DOCK2: variants seen among roughly 807,000 people sequenced by gnomAD.
DOCK2 encodes dedicator of cytokinesis 2, also known as dedicator of cytokinesis protein 2.
A neutral mutation model predicts 248.9 loss-of-function variants in DOCK2; 87 were observed. That is an observed-to-expected ratio of 0.35 (90% CI 0.29 to 0.42). The LOEUF (loss-of-function observed/expected upper bound fraction) is 0.42. DOCK2 is among the 10% of genes least tolerant of loss of function. The probability of loss-of-function intolerance (pLI) is 1.00; values close to 1 mark genes in which losing one functional copy is unlikely to be tolerated. For missense variants in DOCK2, 1,747 were observed against 2,300.2 expected, an observed-to-expected ratio of 0.76 and a Z score of 4.92; for synonymous variants, 805 against 821.6, an observed-to-expected ratio of 0.98 and a Z score of 0.35.
chr5:170,024,011 G>A (rs1245780346), intron 33 of DOCK2, among the ~76,000 whole-genome samples: 9 of 152,216 alleles, frequency 5.9e-5, no homozygotes, highest in African/African-American at 1.9e-4. Flanking sequence ...AAGCAAACAC[G>A]AGGCCCATAT....
intron 9 of DOCK2, among the ~76,000 whole-genome samples, chr5:169,694,527 T>G (rs1760497105): frequency 6.6e-6 from 1 of 152,208 alleles, no homozygotes. Context: ...GTCATGACCT[T>G]GGGGAAGCCT....
chr5:170,060,418 G>A (rs1218613471), intron 44 of DOCK2, among the ~76,000 whole-genome samples: 1 of 152,196 alleles, frequency 6.6e-6, no homozygotes. Flanking sequence ...CTGTGGCAAA[G>A]TGCAGTAGCA....
intron 22 of DOCK2, among the ~76,000 whole-genome samples, chr5:169,742,965 C>T (rs1763402498): frequency 6.6e-6 from 1 of 152,178 alleles, no homozygotes; most frequent in Non-Finnish European, 1.5e-5. Flanking sequence ...AATTTGTTCC[C>T]TGGCAAAATC....
chr5:169,812,785 A>G lies in DOCK2; in HGVS notation c.2703+9579A>G, dbSNP rs142545595. On this transcript the variant is annotated intron_variant, in intron 26 of 51. Transcript: ENST00000520908. ...TCCAGGCTGCTTCTAAAACATCCCTATAATTCTTTTAAGGACAGTACAGGG... is the reference window on the plus strand; with the variant it reads ...TCCAGGCTGCTTCTAAAACATCCCTGTAATTCTTTTAAGGACAGTACAGGG... 1.4e-3 allele frequency among the ~76,000 whole-genome samples: 208 copies of G among 152,336 alleles called. 3 individuals are homozygous for G. Among genetic ancestry groups the G allele is most frequent in the African/African-American group, 4.7e-3 (196 of 41,576 alleles).
chr5:169,731,319 G>T (rs1464143085), intron 22 of DOCK2, among the ~76,000 whole-genome samples: 2 of 152,170 alleles, frequency 1.3e-5, no homozygotes, highest in Non-Finnish European at 2.9e-5. Flanking sequence ...AATTACAGGG[G>T]TGGGTCTTTT....
intron 23 of DOCK2, 72 bp downstream of exon 23, chr5:169,747,576 T>C: frequency 1.5e-6 from 2 of 1,351,242 alleles, no homozygotes; most frequent in Non-Finnish European, 2.0e-6. Context: ...TAAGATAATA[T>C]CTTCTTTTAC....
At chr5:169,837,022 G>A (rs1769624068) in intron 26 of DOCK2, among the ~76,000 whole-genome samples, 2 of 152,164 alleles carry the variant, frequency 1.3e-5, no homozygotes, top group Non-Finnish European at 2.9e-5. Context: ...AGTGAGTCAG[G>A]AAGAGAGGGC....
chr5:169,702,676 T>C (rs2113476333), intron 14 of DOCK2: 1 of 197,878 alleles, frequency 5.1e-6, no homozygotes, highest in South Asian at 1.0e-4. Flanking sequence ...TCTTCTTGTA[T>C]GTATGTATGT....
intron 27 of DOCK2, among the ~76,000 whole-genome samples, chr5:169,946,097 C>T (rs557167336): frequency 6.6e-6 from 1 of 152,326 alleles, no homozygotes; most frequent in African/African-American, 2.4e-5. Flanking sequence ...CCCCAGTTCA[C>T]TCTGGCAGGC....
intron 30 of DOCK2, chr5:169,997,833 C>T: frequency 2.3e-6 from 1 of 433,234 alleles, no homozygotes; most frequent in Non-Finnish European, 4.6e-6. Flanking sequence ...CTTTTCCCCA[C>T]ACTTGCTCAT....
intron 11 of DOCK2, among the ~76,000 whole-genome samples, chr5:169,698,906 G>A (rs560302328): frequency 1.2e-4 from 18 of 152,302 alleles, no homozygotes; most frequent in Non-Finnish European, 1.8e-4. Flanking sequence ...ACGTATCCAT[G>A]ACTTAGGAGG....
intron 26 of DOCK2, among the ~76,000 whole-genome samples, chr5:169,832,042 A>G (rs1769260332): frequency 1.3e-5 from 2 of 152,232 alleles, no homozygotes; most frequent in Non-Finnish European, 2.9e-5. Flanking sequence ...TGGAAGGAGC[A>G]TGCAATTAGG....
intron 25 of DOCK2, among the ~76,000 whole-genome samples, chr5:169,799,828 G>A (rs6555876): frequency 0.15 from 22,241 of 151,740 alleles, 2,479 homozygotes; most frequent in African/African-American, 0.31. Flanking sequence ...TTTCTTTTGA[G>A]ACAGGGTCTC....
At chr5:169,809,237 C>T (rs1184878187) in intron 26 of DOCK2, among the ~76,000 whole-genome samples, 1 of 152,130 alleles carries the variant, frequency 6.6e-6, no homozygotes, top group Non-Finnish European at 1.5e-5. Flanking sequence ...GTGATCTGCC[C>T]ACCTCCACCT....
chr5:169,856,744 A>G (rs1221269293), intron 27 of DOCK2, among the ~76,000 whole-genome samples: 1 of 152,200 alleles, frequency 6.6e-6, no homozygotes, highest in African/African-American at 2.4e-5. Context: ...CACTGTGTGA[A>G]TCACTCTCAA....
At chr5:169,705,355 C>A (rs148636318) in intron 14 of DOCK2, among the ~76,000 whole-genome samples, 2 of 152,220 alleles carry the variant, frequency 1.3e-5, no homozygotes, top group African/African-American at 2.4e-5. Flanking sequence ...AGATGCTGGG[C>A]CAAGAAACCT....
chr5:169,860,947 C>T (rs1395491159), intron 27 of DOCK2, among the ~76,000 whole-genome samples: 5 of 151,788 alleles, frequency 3.3e-5, no homozygotes, highest in East Asian at 3.9e-4. Context: ...TTCACATTGG[C>T]GATATAAATT....
intron 8 of DOCK2, among the ~76,000 whole-genome samples, chr5:169,684,841 G>C (rs1054666404): frequency 6.6e-6 from 1 of 152,160 alleles, no homozygotes; most frequent in Admixed American, 6.5e-5. Flanking sequence ...TAGAGGCAGG[G>C]TCTTGCTGCA....
chr5:169,865,224 T>C (rs1319142493), intron 27 of DOCK2, among the ~76,000 whole-genome samples: 1 of 152,252 alleles, frequency 6.6e-6, no homozygotes, highest in African/African-American at 2.4e-5. Flanking sequence ...TGTTTTGGTG[T>C]CATTAACATA....
Sources: gnomAD v4.1 joint callset for allele counts (sites outside exome capture counted in the v4.1 genomes callset) on GRCh38, gnomAD v4.1.1 for gene constraint, MANE v1.5 for transcripts, NCBI Gene and HGNC (gene_info 2026-07-23, HGNC 2026-07-21) for gene names.